LCE3C: variants seen among roughly 807,000 people sequenced by gnomAD.
The protein encoded by LCE3C is late cornified envelope 3C.
For synonymous variants in LCE3C, 29 were observed against 32.4 expected (o/e 0.89, Z 0.36); for missense variants, 53 against 83.3 (o/e 0.64, Z 1.42).
In LCE3C at chr1:152,600,784, C is replaced by T; in HGVS notation, c.53C>T (p.Ser18Leu). Residue 18 changes from serine (S) to leucine (L), a missense_variant, in exon 2 of 2, where the codon TCA becomes TTA. Transcript: ENST00000684028. ...QQCQPPPSCP[S>L]PKCPPKSPAQ... is the part of the protein sequence containing the mutation. ...TGCCAGCCCCCTCCCAGTTGTCCCT[C>T]ACCCAAGTGTCCCCCAAAGAGCCCA... The T allele has an allele frequency of 2.1e-6, 2 of 950,134 alleles. No individual in the cohort carries two copies. The highest frequency in any genetic ancestry group is 3.5e-5 in the East Asian group (1 of 28,278). 58.9% of individuals were successfully genotyped at this position (950,134 alleles called of 1,614,324 possible).
At chr1:152,600,565 C>T (rs143531169) in intron 1 of LCE3C, 142 bp from the exon 2 acceptor site, 5,343 of 399,912 alleles carry the variant, frequency 0.013, 2,030 homozygotes, top group Non-Finnish European at 0.02. Context: ...GTGTAGGGTT[C>T]CCTCTACTAC....
rs1232746629 is a variant in LCE3C, at chr1:152,600,740, C to T, written c.9C>T (p.Cys3=). 1.9e-5 allele frequency: 18 copies of T among 949,918 alleles called. 8 individuals are homozygous for T. The highest frequency in any genetic ancestry group is 3.3e-5 in the African/African-American group (2 of 60,186). The allele number at this position is 949,918 out of a possible 1,614,324, so 58.8% of individuals were successfully genotyped here. A position where few individuals can be genotyped will look rare whatever the true frequency, so the allele number is the denominator to read the frequency against. The part of the protein sequence containing the change: MS[C]QQNQQQCQPP... The stretch of plus-strand genomic sequence containing the variant: ...CCTGCATTCCTGCAAAGATGTCCTG[C>T]CAGCAAAACCAGCAGCAGTGCCAGC... The change falls in exon 2 of 2, where the codon TGC becomes TGT. Residue 3 remains cysteine (C), a synonymous_variant. Coordinates refer to ENST00000684028, the MANE Select transcript of LCE3C (RefSeq NM_178434.3).
At position 152,600,901 on chromosome 1, in the gene LCE3C, A is replaced by G; in HGVS notation, c.170A>G (p.His57Arg). 2.1e-6 allele frequency: 2 copies of G among 949,232 alleles called. 1 individual carries two copies. 58.8% of individuals were successfully genotyped at this position (949,232 alleles called of 1,614,324 possible). A position where few individuals can be genotyped will look rare whatever the true frequency, so the allele number is the denominator to read the frequency against. The part of the protein sequence containing the change: ...SSESGCCLSH[H>R]RHFRSHQCRR... The stretch of plus-strand genomic sequence containing the variant: ...GAAAGTGGCTGCTGCCTGAGCCACC[A>G]CAGGCACTTCAGGTCCCATCAATGC... The change falls in exon 2 of 2, where the codon CAC (histidine) becomes CGC (arginine). Residue 57 changes from histidine to arginine, a missense_variant. Transcript: ENST00000684028.
At position 152,600,603 on chromosome 1, in the gene LCE3C, G is replaced by A. The variant is rs1245962960; in HGVS notation, c.-25-104G>A. 2.4e-5 allele frequency: 11 copies of A among 459,752 alleles called. 3 individuals carry two copies. The highest frequency in any genetic ancestry group is 4.3e-5 in the Non-Finnish European group (11 of 257,624). The allele number at this position is 459,752 out of a possible 1,614,324, so 28.5% of individuals were successfully genotyped here. A position where few individuals can be genotyped will look rare whatever the true frequency, so the allele number is the denominator to read the frequency against. On this transcript the variant is annotated intron_variant, in intron 1 of 1. Transcript: ENST00000684028. ...TCCCATTTCTCTCCTACAGATCTTG[G>A]CTTAGAAAGTGGCTTCATCAAGGGG...
chr1:152,600,872 T>A lies in LCE3C; in HGVS notation c.141T>A (p.Ser47Arg). The A allele has an allele frequency of 5.3e-6, 5 of 949,850 alleles. 2 individuals are homozygous for A. Among genetic ancestry groups the A allele is most frequent in the Non-Finnish European group, 7.4e-6 (5 of 676,260 alleles). The allele number at this position is 949,850 out of a possible 1,614,324, so 58.8% of individuals were successfully genotyped here. ...TAAGCTCCGGGGGCTGTGGCCCCAG[T>A]TCTGAAAGTGGCTGCTGCCTGAGCC... Reference protein sequence around the residue: ...CALSSGGCGPSSESGCCLSHH... With the variant: ...CALSSGGCGPRSESGCCLSHH... Residue 47 changes from serine to arginine, a missense_variant, in exon 2 of 2, where the codon AGT (serine) becomes AGA (arginine). By Grantham distance (110) the Ser-to-Arg change is moderately radical. Coordinates refer to ENST00000684028, the MANE Select transcript of LCE3C (RefSeq NM_178434.3).
In LCE3C at chr1:152,600,535, G is replaced by T; in HGVS notation, c.-25-172G>T. Reference sequence around the variant, plus strand: ...CATAGATCCATTTTATATTTTTAAGGTTGCTTTATCCAAATGCATGTGTAG... The same window carrying T: ...CATAGATCCATTTTATATTTTTAAGTTTGCTTTATCCAAATGCATGTGTAG... On this transcript the variant is annotated intron_variant, in intron 1 of 1. Transcript: ENST00000684028. 5.5e-6 allele frequency: 2 copies of T among 363,082 alleles called. 1 individual carries two copies. Among genetic ancestry groups the T allele is most frequent in the Non-Finnish European group, 1.0e-5 (2 of 196,352 alleles). The allele number at this position is 363,082 out of a possible 1,614,324, so 22.5% of individuals were successfully genotyped here.
chr1:152,600,346 C>A lies in LCE3C; in HGVS notation c.-26+62C>A, dbSNP rs896806940. Among the ~76,000 whole-genome samples the A allele has an allele frequency of 7.6e-5, 7 of 92,284 alleles. 2 individuals carry two copies. In the South Asian group the frequency reaches 2.1e-3, roughly 28 times the overall value. The allele number at this position is 92,284 out of a possible 152,430, so 60.5% of individuals were successfully genotyped here. On this transcript the variant is annotated intron_variant, in intron 1 of 1. Coordinates refer to ENST00000684028, the MANE Select transcript of LCE3C (RefSeq NM_178434.3). ...GTGTTTGGGAAAGAGAGGCCCAGAA[C>A]TGAAATGGAACCATCAGAAAGAAGC...
Position 152,601,000 on chromosome 1 carries a change from C to T in LCE3C, c.269C>T (p.Ser90Phe). ...GGGGGCTCCTGCCGTGGCCATGGCT[C>T]TGGGGGCTGCTGCTGACCTGGATCC... Reference protein sequence around the residue: ...QGGGSCRGHGSGGCC With the variant: ...QGGGSCRGHGFGGCC The change falls in exon 2 of 2, where the codon TCT becomes TTT. Residue 90 changes from serine (S) to phenylalanine (F), a missense_variant. By Grantham distance (155) the Ser-to-Phe change is radical. Coordinates refer to ENST00000684028, the MANE Select transcript of LCE3C (RefSeq NM_178434.3). 2 of 944,958 alleles carry T rather than the reference C, an allele frequency of 2.1e-6. 1 individual carries two copies. Among genetic ancestry groups the T allele is most frequent in the African/African-American group, 3.3e-5 (2 of 59,928 alleles). The allele number at this position is 944,958 out of a possible 1,614,324, so 58.5% of individuals were successfully genotyped here.
Position 152,600,795 on chromosome 1 carries a change from C to T in LCE3C, c.64C>T (p.Pro22Ser), listed in dbSNP as rs145667430. ...PPPSCPSPKC[P>S]PKSPAQCLPP... ...TCCCAGTTGTCCCTCACCCAAGTGT[C>T]CCCCAAAGAGCCCAGCACAGTGTCT... Residue 22 changes from proline to serine, a missense_variant, in exon 2 of 2, where the codon CCC becomes TCC. Transcript: ENST00000684028. 2.1e-6 allele frequency: 2 copies of T among 949,122 alleles called. 1 individual carries two copies. The highest frequency in any genetic ancestry group is 3.0e-6 in the Non-Finnish European group (2 of 674,896). The allele number at this position is 949,122 out of a possible 1,614,324, so 58.8% of individuals were successfully genotyped here.
At position 152,600,696 on chromosome 1, in the gene LCE3C, T is replaced by C. The variant is rs1660416702; in HGVS notation, c.-25-11T>C. Reference sequence around the variant, plus strand: ...GTTCTGTGCTCAAATGTTTCTATTATTCTGTTCAAGGTAAAATTCCTGCAT... The same window carrying C: ...GTTCTGTGCTCAAATGTTTCTATTACTCTGTTCAAGGTAAAATTCCTGCAT... On this transcript the variant is annotated splice_polypyrimidine_tract_variant and intron_variant, in intron 1 of 1. Transcript: ENST00000684028. 11 of 909,126 alleles carry C rather than the reference T, an allele frequency of 1.2e-5. 4 individuals carry two copies. In the East Asian group the frequency reaches 1.4e-4, roughly 12 times the overall value. 56.3% of individuals were successfully genotyped at this position (909,126 alleles called of 1,614,324 possible). A position where few individuals can be genotyped will look rare whatever the true frequency, so the allele number is the denominator to read the frequency against.
chr1:152,600,731 G>T lies in LCE3C; in HGVS notation c.-1G>T, dbSNP rs373385025. 215 of 948,812 alleles carry T rather than the reference G, an allele frequency of 2.3e-4. 83 individuals carry two copies. The highest frequency in any genetic ancestry group is 3.1e-4 in the Non-Finnish European group (211 of 674,900). The allele number at this position is 948,812 out of a possible 1,614,324, so 58.8% of individuals were successfully genotyped here. On this transcript the variant is annotated 5_prime_UTR_variant, in exon 2 of 2. Transcript: ENST00000684028. ...GGTAAAATTCCTGCATTCCTGCAAA[G>T]ATGTCCTGCCAGCAAAACCAGCAGC...
chr1:152,600,977 G>C lies in LCE3C; in HGVS notation c.246G>C (p.Gly82=). The C allele has an allele frequency of 7.4e-6, 7 of 949,512 alleles. 3 individuals are homozygous for C. The highest frequency in any genetic ancestry group is 1.0e-5 in the Non-Finnish European group (7 of 675,948). 58.8% of individuals were successfully genotyped at this position (949,512 alleles called of 1,614,324 possible). A position where few individuals can be genotyped will look rare whatever the true frequency, so the allele number is the denominator to read the frequency against. Residue 82 remains glycine, a synonymous_variant, in exon 2 of 2, where the codon GGG becomes GGC. Coordinates refer to ENST00000684028, the MANE Select transcript of LCE3C (RefSeq NM_178434.3). ...ACAGGGGCAGTGGTCAGCAAGGCGG[G>C]GGCTCCTGCCGTGGCCATGGCTCTG... The part of the protein sequence containing the change: ...SCDRGSGQQG[G]GSCRGHGSGG...
chr1:152,600,715 C>A lies in LCE3C; in HGVS notation c.-17C>A. ...CTATTATTCTGTTCAAGGTAAAATT[C>A]CTGCATTCCTGCAAAGATGTCCTGC... On this transcript the variant is annotated 5_prime_UTR_variant, in exon 2 of 2. Coordinates refer to ENST00000684028, the MANE Select transcript of LCE3C (RefSeq NM_178434.3). The A allele has an allele frequency of 1.1e-6, 1 of 939,824 alleles. No individual in the cohort carries two copies. Among genetic ancestry groups the A allele is most frequent in the Non-Finnish European group, 1.5e-6 (1 of 667,026 alleles). The allele number at this position is 939,824 out of a possible 1,614,324, so 58.2% of individuals were successfully genotyped here.
In LCE3C at chr1:152,600,821, G is replaced by A; in HGVS notation, c.90G>A (p.Leu30=). 1 of 949,066 alleles carries A rather than the reference G, an allele frequency of 1.1e-6. No individual in the cohort carries two copies. Among genetic ancestry groups the A allele is most frequent in the South Asian group, 1.9e-5 (1 of 53,572 alleles). 58.8% of individuals were successfully genotyped at this position (949,066 alleles called of 1,614,324 possible). ...CCCCAAAGAGCCCAGCACAGTGTCT[G>A]CCTCCACCCTCTTCTGACTGTGCTC... is the stretch of plus-strand genomic sequence containing the variant. ...KCPPKSPAQC[L]PPPSSDCALS... is the part of the protein sequence containing the mutation. Residue 30 remains leucine (L), a synonymous_variant, in exon 2 of 2, where the codon CTG becomes CTA. Coordinates refer to ENST00000684028, the MANE Select transcript of LCE3C (RefSeq NM_178434.3).
Position 152,600,510 on chromosome 1 carries a change from C to G in LCE3C, c.-25-197C>G, listed in dbSNP as rs180888962. ...TTTGGAGCATGTTGTCAGGAATGCA[C>G]ATAGATCCATTTTATATTTTTAAGG... On this transcript the variant is annotated intron_variant, in intron 1 of 1. Transcript: ENST00000684028. 5.5e-4 allele frequency among the ~76,000 whole-genome samples: 52 copies of G among 94,122 alleles called. 19 individuals carry two copies. In the East Asian group the frequency reaches 0.015, roughly 26 times the overall value. 61.7% of individuals were successfully genotyped at this position (94,122 alleles called of 152,430 possible).
intron 1 of LCE3C, among the ~76,000 whole-genome samples, 66 bp downstream of exon 1, chr1:152,600,350 A>G (rs1381348032): frequency 2.2e-5 from 2 of 91,808 alleles, no homozygotes; most frequent in African/African-American, 6.5e-5. Context: ...CCAGAACTGA[A>G]ATGGAACCAT....
intron 1 of LCE3C, 77 bp from the exon 2 acceptor site, chr1:152,600,630 T>A: frequency 1.8e-6 from 1 of 557,490 alleles, no homozygotes; most frequent in Non-Finnish European, 3.0e-6. Flanking sequence ...ATCAAGGGGG[T>A]CAGTGTGTGA....
Position 152,600,493 on chromosome 1 carries a change from A to G in LCE3C, c.-26+209A>G, listed in dbSNP as rs1312125534. Among the ~76,000 whole-genome samples, 4 of 94,150 alleles carry G rather than the reference A, an allele frequency of 4.2e-5. 2 individuals carry two copies. Among genetic ancestry groups the G allele is most frequent in the Admixed American group, 2.3e-4 (2 of 8,674 alleles). 61.8% of individuals were successfully genotyped at this position (94,150 alleles called of 152,430 possible). A position where few individuals can be genotyped will look rare whatever the true frequency, so the allele number is the denominator to read the frequency against. ...ATTCCTTCACATTCTTGTTTGGAGC[A>G]TGTTGTCAGGAATGCACATAGATCC... On this transcript the variant is annotated intron_variant, in intron 1 of 1. Coordinates refer to ENST00000684028, the MANE Select transcript of LCE3C (RefSeq NM_178434.3).
At position 152,601,019 on chromosome 1, in the gene LCE3C, T is replaced by C; in HGVS notation, c.*3T>C. ...ATGGCTCTGGGGGCTGCTGCTGACC[T>C]GGATCCTGATGATGAGACAAGTGAT... is the stretch of plus-strand genomic sequence containing the variant. On this transcript the variant is annotated 3_prime_UTR_variant, in exon 2 of 2. Coordinates refer to ENST00000684028, the MANE Select transcript of LCE3C (RefSeq NM_178434.3). 1.1e-6 allele frequency: 1 copy of C among 934,110 alleles called. No homozygotes were observed. Among genetic ancestry groups the C allele is most frequent in the Middle Eastern group, 2.8e-4 (1 of 3,534 alleles). 57.9% of individuals were successfully genotyped at this position (934,110 alleles called of 1,614,324 possible). A position where few individuals can be genotyped will look rare whatever the true frequency, so the allele number is the denominator to read the frequency against.
Sources: gnomAD v4.1 joint callset for allele counts (sites outside exome capture counted in the v4.1 genomes callset) on GRCh38, gnomAD v4.1.1 for gene constraint, MANE v1.5 for transcripts, NCBI Gene and HGNC (gene_info 2026-07-23, HGNC 2026-07-21) for gene names.